The following TFB1M variants were observed in gnomAD, a reference collection of about 807,000 sequenced individuals.
TFB1M encodes dimethyladenosine transferase 1, mitochondrial.
In TFB1M, 27 loss-of-function variants were observed where a neutral mutation model predicts 31.1. The ratio of observed to expected loss-of-function variants is 0.87; its 90% confidence interval spans 0.64 to 1.20. The LOEUF is 1.20. Ranked by LOEUF, TFB1M falls within the 50% of genes most tolerant of loss-of-function variation. The pLI, the probability that TFB1M is intolerant of heterozygous loss-of-function variation, is 0.00. For missense variants in TFB1M, 394 were observed against 418.7 expected (o/e 0.94, Z 0.51); for synonymous variants, 166 against 151.8 (o/e 1.09, Z -0.69).
In TFB1M at chr6:155,309,908, C is replaced by G. The variant is rs529486829; in HGVS notation, c.285+1280G>C. 1.2e-4 allele frequency among the ~76,000 whole-genome samples: 18 copies of G among 152,188 alleles called. No homozygotes were observed. In the South Asian group the frequency reaches 3.1e-3, roughly 26 times the overall value. ...AGGAATATGTGCCATGTGACTATCT[C>G]AACATAAAGTTTAGTATCTGAAACC... On this transcript the variant is annotated intron_variant, in intron 2 of 6. Transcript: ENST00000367166.
chr6:155,275,977 G>C (rs1323959659), intron 5 of TFB1M: 2 of 1,614,166 alleles, frequency 1.2e-6, no homozygotes. Flanking sequence ...CCATGGTCCT[G>C]GCGTGTGTTC....
intron 5 of TFB1M, chr6:155,275,765 T>C: frequency 6.2e-7 from 1 of 1,614,136 alleles, no homozygotes; most frequent in Non-Finnish European, 8.5e-7. Flanking sequence ...CCTGGCCTTA[T>C]CTGGGGTCTC....
At chr6:155,244,106 C>T in the TFB1M span, 2 of 1,592,798 alleles carry the variant, frequency 1.3e-6, no homozygotes, top group African/African-American at 1.3e-5. Context: ...TCCTTCTGTC[C>T]AGTGATCCAC....
At chr6:155,306,443 C>T (rs920635115) in intron 2 of TFB1M, among the ~76,000 whole-genome samples, 4 of 152,020 alleles carry the variant, frequency 2.6e-5, no homozygotes, top group Admixed American at 6.6e-5. Context: ...AGCTTTATTA[C>T]AGTATAAGAG....
chr6:155,254,505 C>T (rs1223359347), downstream of TFB1M: 7 of 1,613,998 alleles, frequency 4.3e-6, no homozygotes, highest in Non-Finnish European at 5.9e-6. Flanking sequence ...TGTGAATTAC[C>T]ACTGGAGAAA....
chr6:155,295,019 T>C (rs1438572737), intron 4 of TFB1M, among the ~76,000 whole-genome samples: 1 of 152,136 alleles, frequency 6.6e-6, no homozygotes, highest in African/African-American at 2.4e-5. Flanking sequence ...ATGTTCAGGA[T>C]AAAAACAATA....
intron 5 of TFB1M, among the ~76,000 whole-genome samples, chr6:155,261,985 A>G (rs965141189): frequency 4.6e-5 from 7 of 152,298 alleles, no homozygotes; most frequent in Admixed American, 1.3e-4. Flanking sequence ...ATTGTGTGCT[A>G]TATGTTGTTT....
chr6:155,294,611 C>A (rs1777081256), intron 4 of TFB1M, among the ~76,000 whole-genome samples: 1 of 152,234 alleles, frequency 6.6e-6, no homozygotes, highest in African/African-American at 2.4e-5. Context: ...AACACAATGA[C>A]ATTCCATTAC....
intron 5 of TFB1M, among the ~76,000 whole-genome samples, chr6:155,283,672 C>T (rs991646833): frequency 2.6e-5 from 4 of 152,044 alleles, no homozygotes; most frequent in African/African-American, 7.2e-5. Flanking sequence ...CCTAAGAACC[C>T]GTTAGTAAAA....
chr6:155,233,785 C>T, the TFB1M span, among the ~76,000 whole-genome samples: 1 of 152,020 alleles, frequency 6.6e-6, no homozygotes, highest in East Asian at 1.9e-4. Flanking sequence ...ATAGTGAGAC[C>T]CTCCCTTCTC....
At position 155,314,393 on chromosome 6, in the gene TFB1M, G is replaced by C. The variant is rs539457053; in HGVS notation, c.36C>G (p.Leu12=). ...AASGKLSTCR[L]PPLPTIREII... The stretch of plus-strand genomic sequence containing the variant: ...TTTCTCGAATCGTGGGCAACGGAGG[G>C]AGACGGCAAGTGCTGAGTTTTCCGG... Residue 12 remains leucine (L), a synonymous_variant, in exon 1 of 7, where the codon CTC becomes CTG. Coordinates refer to ENST00000367166, the MANE Select transcript of TFB1M (RefSeq NM_016020.4). The C allele has an allele frequency of 1.2e-6, 2 of 1,614,248 alleles. No individual in the cohort carries two copies. The highest frequency in any genetic ancestry group is 3.3e-5 in the Admixed American group (2 of 60,036).
the TFB1M span, among the ~76,000 whole-genome samples, chr6:155,232,180 GA>G: frequency 6.6e-6 from 1 of 152,254 alleles, no homozygotes; most frequent in East Asian, 1.9e-4. Context: ...GATATTTGGG[GA>G]TAATACTAGA....
chr6:155,291,901 C>A (rs544171742), intron 4 of TFB1M, among the ~76,000 whole-genome samples: 16 of 152,312 alleles, frequency 1.1e-4, no homozygotes, highest in African/African-American at 3.6e-4. Context: ...GAGAGGAAGG[C>A]ATTTAAAGAA....
the TFB1M span, chr6:155,250,007 G>A: frequency 6.6e-7 from 1 of 1,515,108 alleles, no homozygotes; most frequent in Non-Finnish European, 9.1e-7. Flanking sequence ...CCTAGTGCAT[G>A]TGGTGTGGGG....
intron 2 of TFB1M, among the ~76,000 whole-genome samples, chr6:155,304,079 G>A (rs562182746): frequency 3.3e-5 from 5 of 152,164 alleles, no homozygotes; most frequent in Admixed American, 1.3e-4. Context: ...TCAGGAGTTC[G>A]AGACCAGCCT....
Position 155,285,276 on chromosome 6 carries a change from C to A in TFB1M, c.548G>T (p.Arg183Ile). The stretch of plus-strand genomic sequence containing the variant: ...TTTGCTTCCTGTATTGGCTGCAAGT[C>A]TCTAGAGAGAGACAAAAATGAATTT... ...TLTFQKEVAE[R>I]LAANTGSKQR... Residue 183 changes from arginine (R) to isoleucine (I), a missense_variant and splice_region_variant, in exon 5 of 7, where the codon AGA becomes ATA. Arg to Ile is a moderately conservative substitution (Grantham distance 97). Transcript: ENST00000367166. 1 of 1,613,854 alleles carries A rather than the reference C, an allele frequency of 6.2e-7. No homozygotes were observed. Among genetic ancestry groups the A allele is most frequent in the South Asian group, 1.1e-5 (1 of 91,038 alleles).
the TFB1M span, among the ~76,000 whole-genome samples, chr6:155,245,304 G>A: frequency 6.6e-6 from 1 of 152,204 alleles, no homozygotes; most frequent in African/African-American, 2.4e-5. Context: ...ATGCAGAGTC[G>A]GCTTTATTAG....
At chr6:155,258,422 C>T (rs1433187714) in intron 6 of TFB1M, among the ~76,000 whole-genome samples, 1 of 152,090 alleles carries the variant, frequency 6.6e-6, no homozygotes, top group Non-Finnish European at 1.5e-5. Flanking sequence ...CCTCATGTTT[C>T]AATGTGAAAG....
At chr6:155,237,955 C>T in the TFB1M span, among the ~76,000 whole-genome samples, 2 of 152,260 alleles carry the variant, frequency 1.3e-5, no homozygotes, top group East Asian at 1.9e-4. Context: ...ATGCAAATGT[C>T]TGCAGCCAGC....
Sources: gnomAD v4.1 joint callset for allele counts (sites outside exome capture counted in the v4.1 genomes callset) on GRCh38, gnomAD v4.1.1 for gene constraint, MANE v1.5 for transcripts, NCBI Gene and HGNC (gene_info 2026-07-23, HGNC 2026-07-21) for gene names.